Variants in CTNNA2 observed in about 807,000 individuals in gnomAD.
CTNNA2 encodes catenin alpha 2, also known as catenin alpha-2.
In CTNNA2, 42 loss-of-function variants were observed where a neutral mutation model predicts 101.0. That is an observed-to-expected ratio of 0.42 (90% CI 0.32 to 0.54). The LOEUF is 0.54. Among genes scored for constraint, CTNNA2 ranks in the 20% least tolerant of loss-of-function variants. CTNNA2 has a pLI of 0.14. For synonymous variants in CTNNA2, 450 were observed against 456.4 expected, an observed-to-expected ratio of 0.99 and a Z score of 0.18; for missense variants, 871 against 1,223.1, an observed-to-expected ratio of 0.71 and a Z score of 4.29.
At chr2:79,844,089 G>A (rs957366713) in intron 3 of CTNNA2, among the ~76,000 whole-genome samples, 6 of 152,088 alleles carry the variant, frequency 3.9e-5, no homozygotes, top group African/African-American at 1.4e-4. Flanking sequence ...GGTACAAACA[G>A]TGCAATTTTC....
chr2:80,207,930 C>T (rs1707630111), intron 7 of CTNNA2, among the ~76,000 whole-genome samples: 1 of 152,088 alleles, frequency 6.6e-6, no homozygotes, highest in Non-Finnish European at 1.5e-5. Flanking sequence ...GAGAGAAGAA[C>T]AAGAAGGGTG....
At chr2:80,560,536 A>C (rs11892188) in intron 12 of CTNNA2, among the ~76,000 whole-genome samples, 1 of 152,076 alleles carries the variant, frequency 6.6e-6, no homozygotes, top group Admixed American at 6.6e-5. Flanking sequence ...CTTCCTGGTG[A>C]CTGCACTTGG....
chr2:79,675,104 G>A (rs978030433), intron 2 of CTNNA2, among the ~76,000 whole-genome samples: 1 of 152,082 alleles, frequency 6.6e-6, no homozygotes, highest in Non-Finnish European at 1.5e-5. Context: ...CTGAAATAAT[G>A]ATCACCTATT....
chr2:79,585,637 T>C (rs1233312449), intron 1 of CTNNA2, among the ~76,000 whole-genome samples: 1 of 152,176 alleles, frequency 6.6e-6, no homozygotes, highest in Non-Finnish European at 1.5e-5. Flanking sequence ...TTTTAGTTTT[T>C]AAATTCCTGG....
intron 2 of CTNNA2, among the ~76,000 whole-genome samples, chr2:79,279,900 T>C (rs1359429805): frequency 1.3e-5 from 2 of 152,142 alleles, no homozygotes; most frequent in Admixed American, 1.3e-4. Flanking sequence ...TGAATGTCAA[T>C]GAAGTTTTAT....
intron 1 of CTNNA2, among the ~76,000 whole-genome samples, chr2:79,557,645 G>T (rs968931480): frequency 6.6e-6 from 1 of 151,806 alleles, no homozygotes; most frequent in Non-Finnish European, 1.5e-5. Context: ...TTTAGATTTG[G>T]CTGGCTTTCT....
intron 9 of CTNNA2, among the ~76,000 whole-genome samples, chr2:80,430,051 A>G (rs1050769088): frequency 3.3e-5 from 5 of 152,214 alleles, no homozygotes; most frequent in African/African-American, 1.2e-4. Flanking sequence ...ATTAGTTTCC[A>G]TGAAAACCTT....
intron 7 of CTNNA2, among the ~76,000 whole-genome samples, chr2:80,117,968 CAG>C (rs1701617998): frequency 6.6e-6 from 1 of 152,110 alleles, no homozygotes; most frequent in Non-Finnish European, 1.5e-5. Flanking sequence ...ATTTTAGAGA[CAG>C]GGTGACATAC....
intron 9 of CTNNA2, among the ~76,000 whole-genome samples, chr2:80,440,007 T>C (rs902883578): frequency 6.6e-6 from 1 of 152,002 alleles, no homozygotes; most frequent in Non-Finnish European, 1.5e-5. Flanking sequence ...ATAGACAAAA[T>C]AAATATATAA....
chr2:79,608,279 C>T (rs1321992915), intron 1 of CTNNA2, among the ~76,000 whole-genome samples: 2 of 151,958 alleles, frequency 1.3e-5, no homozygotes, highest in Admixed American at 6.6e-5. Context: ...AGAAATCTTC[C>T]TACAAAGAAA....
rs374961603 is a variant in CTNNA2 at position 79,244,596 on chromosome 2, C to T, written c.-406+46520C>T. Reference sequence around the variant, plus strand: ...AAACATGTAGAAAGACAGGCATGGGCATTCACAGGGTTCATGCAAACCCAT... The same window carrying T: ...AAACATGTAGAAAGACAGGCATGGGTATTCACAGGGTTCATGCAAACCCAT... On this transcript the variant is annotated intron_variant, in intron 2 of 21. Coordinates refer to the CTNNA2 transcript ENST00000466387. Among the ~76,000 whole-genome samples the T allele has an allele frequency of 2.0e-5, 3 of 152,250 alleles. No homozygotes were observed. In the South Asian group the frequency reaches 6.2e-4, roughly 32 times the overall value.
intron 9 of CTNNA2, among the ~76,000 whole-genome samples, chr2:80,540,607 A>C (rs1691472771): frequency 6.6e-6 from 1 of 151,808 alleles, no homozygotes; most frequent in African/African-American, 2.4e-5. Context: ...AAAAAAAAAA[A>C]AAAATCAATT....
At chr2:79,536,074 G>A (rs1259265561) in intron 1 of CTNNA2, among the ~76,000 whole-genome samples, 2 of 152,184 alleles carry the variant, frequency 1.3e-5, no homozygotes, top group African/African-American at 4.8e-5. Context: ...TCACAGCAGG[G>A]AAGAAGATTC....
intron 2 of CTNNA2, among the ~76,000 whole-genome samples, chr2:79,669,778 T>C (rs1682698703): frequency 6.6e-6 from 1 of 152,180 alleles, no homozygotes. Context: ...CTGTCCTCTT[T>C]GTCCTCTGGC....
intron 4 of CTNNA2, among the ~76,000 whole-genome samples, chr2:79,409,482 T>A (rs1558660258): frequency 6.6e-6 from 1 of 152,004 alleles, no homozygotes; most frequent in Admixed American, 6.6e-5. Context: ...TTGTATAAGG[T>A]GTAAGGAAGG....
chr2:80,598,881 A>G (rs1262175370), intron 15 of CTNNA2, among the ~76,000 whole-genome samples: 1 of 152,226 alleles, frequency 6.6e-6, no homozygotes, highest in Non-Finnish European at 1.5e-5. Context: ...AGTGGGTTAA[A>G]TGGTATAAAC....
intron 9 of CTNNA2, among the ~76,000 whole-genome samples, chr2:80,538,732 T>G (rs1054924505): frequency 1.3e-5 from 2 of 152,186 alleles, no homozygotes; most frequent in Non-Finnish European, 2.9e-5. Flanking sequence ...CCACATGAAA[T>G]TTAAAGTAGT....
At chr2:79,701,714 G>A (rs1271758819) in intron 2 of CTNNA2, among the ~76,000 whole-genome samples, 1 of 152,124 alleles carries the variant, frequency 6.6e-6, no homozygotes, top group Non-Finnish European at 1.5e-5. Context: ...TGTTAAAGAG[G>A]ATGTAGGCCG....
intron 2 of CTNNA2, among the ~76,000 whole-genome samples, chr2:79,227,581 G>A (rs1205732993): frequency 6.6e-6 from 1 of 152,106 alleles, no homozygotes; most frequent in Admixed American, 6.6e-5. Context: ...AAAGTAAAGT[G>A]AGTCACACAA....
Sources: gnomAD v4.1 joint callset for allele counts (sites outside exome capture counted in the v4.1 genomes callset) on GRCh38, gnomAD v4.1.1 for gene constraint, MANE v1.5 for transcripts, NCBI Gene and HGNC (gene_info 2026-07-23, HGNC 2026-07-21) for gene names.